PHF8: variants seen among roughly 807,000 people sequenced by gnomAD.
The protein encoded by PHF8 is PHD finger protein 8, also known as histone lysine demethylase PHF8.
PHF8 carries 9 observed loss-of-function variants against 74.4 expected under a neutral mutation model. The ratio of observed to expected loss-of-function variants is 0.12; its 90% CI spans 0.07 to 0.21. The LOEUF is 0.21. PHF8 is among the 10% of genes least tolerant of loss of function. PHF8 has a pLI of 1.00. For missense variants in PHF8, 478 were observed against 816.6 expected, an observed-to-expected ratio of 0.59 and a Z score of 5.05; for synonymous variants, 311 against 316.6, an observed-to-expected ratio of 0.98 and a Z score of 0.19.
intron 1 of PHF8, 24 bp from the exon 2 acceptor site, chrX:54,042,844 CAG>C: frequency 7.6e-6 from 8 of 1,052,514 alleles, no homozygotes; most frequent in Non-Finnish European, 1.0e-5. Context: ...ACACTTTTTA[CAG>C]AGTGAATCAG....
chrX:54,022,405 G>T (rs782430153), intron 3 of PHF8, 38 bp from the exon 4 acceptor site: 2 of 895,203 alleles, frequency 2.2e-6, no homozygotes, highest in Non-Finnish European at 3.3e-6. Context: ...GAGTCAGAAC[G>T]GTCATGAGCT....
chrX:53,957,434 T>C (rs1000092088), intron 19 of PHF8, among the ~76,000 whole-genome samples: 3 of 110,226 alleles, frequency 2.7e-5, no homozygotes, highest in East Asian at 2.8e-4. Context: ...GGCAGGAGAA[T>C]TGCTTGAACC....
chrX:53,962,489 C>A (rs2065120681), intron 19 of PHF8, among the ~76,000 whole-genome samples: 1 of 111,280 alleles, frequency 9.0e-6, no homozygotes, highest in African/African-American at 3.3e-5. Flanking sequence ...CCCTCCTTGA[C>A]AACAAAACTA....
At chrX:54,017,410 T>C (rs1319837927) in intron 5 of PHF8, among the ~76,000 whole-genome samples, 5 of 112,391 alleles carry the variant, frequency 4.4e-5, no homozygotes, top group Non-Finnish European at 9.4e-5. Flanking sequence ...ATTGCGCCAC[T>C]GTACTCCAGC....
chrX:53,966,789 G>A (rs1220739390), intron 18 of PHF8, among the ~76,000 whole-genome samples: 3 of 109,471 alleles, frequency 2.7e-5, no homozygotes, highest in Non-Finnish European at 5.8e-5. Context: ...GAAGTGAGGA[G>A]CGCCTCTTCC....
At chrX:54,045,491 C>T (rs1818684463), upstream of PHF8, among the ~76,000 whole-genome samples, 1 of 112,416 alleles carries the variant, frequency 8.9e-6, no homozygotes, top group African/African-American at 3.2e-5. Flanking sequence ...GGGAGGGCAT[C>T]TGCCAGTGCA....
chrX:53,978,934 C>T (rs1030194168), intron 18 of PHF8, among the ~76,000 whole-genome samples: 1 of 110,519 alleles, frequency 9.0e-6, no homozygotes, highest in Non-Finnish European at 1.9e-5. Context: ...AGTGGTTGCT[C>T]GGGAGTAGAG....
chrX:53,995,490 C>G (rs782774253), intron 12 of PHF8, among the ~76,000 whole-genome samples: 17 of 112,305 alleles, frequency 1.5e-4, no homozygotes, highest in Non-Finnish European at 2.8e-4. Context: ...TGGGCAGGCA[C>G]TATTTACGTA....
chrX:54,001,799 T>C (rs1369659508), intron 10 of PHF8, among the ~76,000 whole-genome samples: 2 of 109,987 alleles, frequency 1.8e-5, no homozygotes, highest in African/African-American at 3.3e-5. Flanking sequence ...GCCTGTAGTC[T>C]TAGCTACTCG....
At chrX:54,024,630 C>G (rs912443513) in intron 2 of PHF8, among the ~76,000 whole-genome samples, 1 of 111,892 alleles carries the variant, frequency 8.9e-6, no homozygotes, top group African/African-American at 3.3e-5. Context: ...AATGCAGCTT[C>G]TCCTACGGGA....
rs1663551768 is a variant in PHF8 at position 53,938,797 on chromosome X, G to A, written c.*361C>T. ...ACTGGGCTTCCCACTTCATGGCTCAGGCTCCTTCATACCTCTCCTCATCCT... is the reference window on the plus strand; with the variant it reads ...ACTGGGCTTCCCACTTCATGGCTCAAGCTCCTTCATACCTCTCCTCATCCT... On this transcript the variant is annotated 3_prime_UTR_variant, in exon 22 of 22. Coordinates refer to ENST00000338154, the MANE Select transcript of PHF8 (RefSeq NM_015107.3). 1 of 793,876 alleles carries A rather than the reference G, an allele frequency of 1.3e-6. No individual in the cohort carries two copies. The highest frequency in any genetic ancestry group is 2.2e-5 in the African/African-American group (1 of 45,542). 65.4% of individuals were successfully genotyped at this position (793,876 alleles called of 1,213,427 possible).
At chrX:53,987,682 C>T in intron 15 of PHF8, 84 bp downstream of exon 15, 1 of 879,907 alleles carries the variant, frequency 1.1e-6, no homozygotes, top group East Asian at 3.4e-5. Flanking sequence ...GCACTCCAGC[C>T]TGGGCAACAA....
intron 13 of PHF8, 115 bp downstream of exon 13, chrX:53,993,486 A>G (rs2065700251): frequency 1.7e-6 from 1 of 593,221 alleles, no homozygotes; most frequent in African/African-American, 2.2e-5. Context: ...CTGGTAGCCA[A>G]ACAGCAGGGG....
intron 8 of PHF8, among the ~76,000 whole-genome samples, chrX:54,006,649 G>A (rs2065900905): frequency 9.0e-6 from 1 of 111,050 alleles, no homozygotes; most frequent in Non-Finnish European, 1.9e-5. Flanking sequence ...AAAATTCAGG[G>A]GACCGGCTGG....
intron 14 of PHF8, among the ~76,000 whole-genome samples, chrX:53,991,224 T>G (rs1323290014): frequency 8.9e-6 from 1 of 112,524 alleles, no homozygotes; most frequent in African/African-American, 3.2e-5. Context: ...GAACTTGTTC[T>G]TTTAAAATTA....
chrX:54,046,159 C>G (rs2066632526), upstream of PHF8, among the ~76,000 whole-genome samples: 1 of 110,908 alleles, frequency 9.0e-6, no homozygotes, highest in Non-Finnish European at 1.9e-5. Flanking sequence ...ATTGCTCAGG[C>G]TGGTCTCAAA....
intron 2 of PHF8, among the ~76,000 whole-genome samples, chrX:54,032,801 T>C (rs2066384763): frequency 9.1e-6 from 1 of 109,616 alleles, no homozygotes; most frequent in African/African-American, 3.3e-5. Context: ...ACAGTGCTTA[T>C]ATTGTCTATA....
rs1340695385 is a variant in PHF8 at position 53,987,655 on chromosome X, G to C, written c.1909+111C>G. The C allele has an allele frequency of 6.0e-6, 4 of 670,049 alleles. No individual in the cohort carries two copies. The Admixed American group carries it at 1.1e-4, about 18-fold the overall frequency. 55.2% of individuals were successfully genotyped at this position (670,049 alleles called of 1,213,427 possible). On this transcript the variant is annotated intron_variant, in intron 15 of 21. Coordinates refer to ENST00000338154, the MANE Select transcript of PHF8 (RefSeq NM_015107.3). Reference sequence around the variant, plus strand: ...ACCCGGGAGGCGGAGGTTGCAGTGAGCCAAGATCGTGCCATTGCACTCCAG... The same window carrying C: ...ACCCGGGAGGCGGAGGTTGCAGTGACCCAAGATCGTGCCATTGCACTCCAG...
intron 18 of PHF8, among the ~76,000 whole-genome samples, chrX:53,982,564 G>C (rs1415320837): frequency 8.9e-6 from 1 of 112,241 alleles, no homozygotes; most frequent in Non-Finnish European, 1.9e-5. Context: ...ATCACAGAGA[G>C]GCATAGAGAG....
Sources: gnomAD v4.1 joint callset for allele counts (sites outside exome capture counted in the v4.1 genomes callset) on GRCh38, gnomAD v4.1.1 for gene constraint, MANE v1.5 for transcripts, NCBI Gene and HGNC (gene_info 2026-07-23, HGNC 2026-07-21) for gene names.